Variants in OR2L13 observed in about 807,000 individuals in gnomAD.
The protein encoded by OR2L13 is olfactory receptor family 2 subfamily L member 13.
OR2L13 carries 14 observed loss-of-function variants against 15.3 expected under a neutral mutation model. That is an observed-to-expected ratio of 0.91 (90% CI 0.60 to 1.43). OR2L13 has a LOEUF of 1.43. OR2L13 is among the 40% of genes most tolerant of loss of function. The probability of loss-of-function intolerance (pLI) is 0.00; values close to 1 mark genes in which losing one functional copy is unlikely to be tolerated. For missense variants in OR2L13, 367 were observed against 387.9 expected, an observed-to-expected ratio of 0.95 and a Z score of 0.45; for synonymous variants, 152 against 142.9, an observed-to-expected ratio of 1.06 and a Z score of -0.45.
the OR2L13 span, chr1:248,083,680 A>G: frequency 2.5e-6 from 4 of 1,593,548 alleles, no homozygotes; most frequent in Non-Finnish European, 2.6e-6. Context: ...AGGTTTACAC[A>G]TGTCCCCAGC....
chr1:248,019,857 G>A, the OR2L13 span, among the ~76,000 whole-genome samples: 544 of 152,060 alleles, frequency 3.6e-3, 2 homozygotes, highest in African/African-American at 0.013. Context: ...TACAATCTTG[G>A]CTCACTGCAA....
chr1:248,003,772 A>G, the OR2L13 span: 2 of 1,613,638 alleles, frequency 1.2e-6, no homozygotes, highest in Non-Finnish European at 8.5e-7. Flanking sequence ...TTGCTATTTC[A>G]TGTTCCTATG....
chr1:247,990,753 A>C, the OR2L13 span: 1 of 1,597,628 alleles, frequency 6.3e-7, no homozygotes, highest in South Asian at 1.1e-5. Context: ...CGGTATATGC[A>C]CTCCGTATCC....
rs749548680 is a variant in OR2L13 at position 248,099,940 on chromosome 1, A to G, written c.565A>G (p.Thr189Ala). 2.0e-5 allele frequency: 32 copies of G among 1,614,014 alleles called. No individual in the cohort carries two copies. In the Admixed American group the frequency reaches 3.2e-4, roughly 16 times the overall value. Residue 189 changes from threonine to alanine, a missense_variant, in exon 3 of 3, where the codon ACA becomes GCA. Transcript: ENST00000641714. ...CCCAGCCATGTTGCTTCTTGCCTGT[A>G]CAGATACTTGGGTCTATGAATATAT...
chr1:247,972,464 G>A, the OR2L13 span, among the ~76,000 whole-genome samples: 2 of 152,146 alleles, frequency 1.3e-5, no homozygotes, highest in African/African-American at 2.4e-5. Flanking sequence ...ATACAAACTC[G>A]CATCAGAGAA....
chr1:247,970,671 A>G, the OR2L13 span, among the ~76,000 whole-genome samples: 1 of 152,198 alleles, frequency 6.6e-6, no homozygotes, highest in Admixed American at 6.5e-5. Context: ...CTGGCAAAGC[A>G]TATTATAAAG....
the OR2L13 span, among the ~76,000 whole-genome samples, chr1:247,943,345 G>A: frequency 6.6e-6 from 1 of 152,002 alleles, no homozygotes; most frequent in Non-Finnish European, 1.5e-5. Flanking sequence ...TTTTAGTGAA[G>A]GGTTCAACAG....
the OR2L13 span, chr1:247,949,158 T>G: frequency 6.8e-6 from 11 of 1,614,116 alleles, no homozygotes; most frequent in Non-Finnish European, 9.3e-6. Context: ...GATTCAGAGT[T>G]TCTTCTTCTT....
the OR2L13 span, among the ~76,000 whole-genome samples, chr1:247,962,973 A>G: frequency 1.3e-5 from 2 of 152,188 alleles, no homozygotes; most frequent in East Asian, 1.9e-4. Flanking sequence ...TGGACTTGCA[A>G]ATGTTCTAGT....
At chr1:247,946,077 T>G in the OR2L13 span, among the ~76,000 whole-genome samples, 1 of 152,234 alleles carries the variant, frequency 6.6e-6, no homozygotes, top group South Asian at 2.1e-4. Context: ...ACCTCCTTGG[T>G]TTGGTTTATT....
chr1:247,983,289 G>C, the OR2L13 span, among the ~76,000 whole-genome samples: 4 of 152,286 alleles, frequency 2.6e-5, no homozygotes, highest in East Asian at 7.7e-4. Flanking sequence ...GAGACAGTCA[G>C]TAAAAGTTCA....
At chr1:248,080,557 T>C in the OR2L13 span, among the ~76,000 whole-genome samples, 2 of 152,206 alleles carry the variant, frequency 1.3e-5, no homozygotes, top group Non-Finnish European at 2.9e-5. Flanking sequence ...GTTAGTTTCC[T>C]GAGAATGATG....
the OR2L13 span, among the ~76,000 whole-genome samples, chr1:248,068,005 G>T: frequency 1.3e-5 from 2 of 152,192 alleles, no homozygotes; most frequent in Admixed American, 6.5e-5. Flanking sequence ...GCTCGAACTG[G>T]GTGGAGCCCA....
At chr1:248,088,834 A>G in the OR2L13 span, among the ~76,000 whole-genome samples, 1 of 152,240 alleles carries the variant, frequency 6.6e-6, no homozygotes, top group Admixed American at 6.5e-5. Flanking sequence ...TGTCCATGCC[A>G]TATTAGATAT....
At chr1:248,082,941 G>A in the OR2L13 span, among the ~76,000 whole-genome samples, 193 of 152,238 alleles carry the variant, frequency 1.3e-3, 3 homozygotes, top group East Asian at 0.034. Flanking sequence ...CTTAGTTGTA[G>A]TTTAAAGCAA....
chr1:247,990,178 C>T, the OR2L13 span: 1 of 564,774 alleles, frequency 1.8e-6, no homozygotes, highest in East Asian at 3.2e-5. Context: ...CACTGGCGGG[C>T]TTGAAATGCA....
chr1:248,064,279 C>T, the OR2L13 span, among the ~76,000 whole-genome samples: 3 of 152,078 alleles, frequency 2.0e-5, no homozygotes, highest in Non-Finnish European at 1.5e-5. Context: ...AAAGGAGGCT[C>T]AGGGGAGCTT....
the OR2L13 span, among the ~76,000 whole-genome samples, chr1:247,940,185 A>G: frequency 6.6e-6 from 1 of 152,142 alleles, no homozygotes; most frequent in African/African-American, 2.4e-5. Flanking sequence ...CAAGTTTCTC[A>G]TTCTTTGTTG....
chr1:248,027,513 G>A, the OR2L13 span, among the ~76,000 whole-genome samples: 2 of 151,982 alleles, frequency 1.3e-5, no homozygotes, highest in Admixed American at 1.3e-4. Flanking sequence ...TACAGTTCGG[G>A]GGCACCACGG....
Sources: allele counts gnomAD v4.1 joint callset (sites outside exome capture counted in the v4.1 genomes callset), GRCh38; gene constraint gnomAD v4.1.1; transcripts MANE v1.5; gene names NCBI Gene and HGNC (gene_info 2026-07-23, HGNC 2026-07-21).